Variants in MYPN observed in about 807,000 individuals in gnomAD.
MYPN encodes sarcomeric protein myopalladin, 145 kDa (MYOP).
In MYPN, 63 loss-of-function variants were observed where a neutral mutation model predicts 129.4. The observed-to-expected ratio is 0.49, with a 90% CI of 0.40 to 0.60. MYPN has a LOEUF of 0.60. MYPN is among the 20% of genes least tolerant of loss of function. The pLI is 0.00. For missense variants in MYPN, 1,596 were observed against 1,635.4 expected (o/e 0.98, Z 0.42); for synonymous variants, 629 against 600.9 (o/e 1.05, Z -0.68).
intron 1 of MYPN, among the ~76,000 whole-genome samples, chr10:68,090,192 T>C (rs922863672): frequency 5.3e-5 from 8 of 152,052 alleles, no homozygotes; most frequent in Non-Finnish European, 1.0e-4. Flanking sequence ...AGACAAAGTC[T>C]CACTCTGTCA....
intron 12 of MYPN, among the ~76,000 whole-genome samples, chr10:68,179,084 G>T (rs1589592833): frequency 6.6e-6 from 1 of 151,888 alleles, no homozygotes; most frequent in Non-Finnish European, 1.5e-5. Context: ...TCTGCCTTTT[G>T]TTCCTCTAAT....
At chr10:68,180,379 T>C (rs1045519281) in intron 12 of MYPN, among the ~76,000 whole-genome samples, 4 of 152,024 alleles carry the variant, frequency 2.6e-5, no homozygotes, top group African/African-American at 9.7e-5. Context: ...AGAGATAGGG[T>C]TTCACCATTT....
chr10:68,112,550 C>T (rs575159392), intron 1 of MYPN, among the ~76,000 whole-genome samples: 26 of 152,286 alleles, frequency 1.7e-4, no homozygotes, highest in African/African-American at 3.8e-4. Flanking sequence ...TGTCCCTAAA[C>T]GGATTCTCAT....
chr10:68,109,333 T>C (rs1436853886), upstream of MYPN: 2 of 307,320 alleles, frequency 6.5e-6, no homozygotes, highest in Admixed American at 7.8e-5. Flanking sequence ...CCTCTAGCTA[T>C]AAGGGAAATT....
At chr10:68,163,393 G>A (rs1212276623) in intron 8 of MYPN, among the ~76,000 whole-genome samples, 3 of 152,110 alleles carry the variant, frequency 2.0e-5, no homozygotes, top group Admixed American at 6.6e-5. Flanking sequence ...TTGGGAGGCC[G>A]AGGCGGGTGG....
At chr10:68,096,984 T>C (rs2041960000) in intron 1 of MYPN, among the ~76,000 whole-genome samples, 2 of 152,244 alleles carry the variant, frequency 1.3e-5, no homozygotes, top group African/African-American at 4.8e-5. Context: ...GATATTTGTC[T>C]CTGCTCTACT....
rs1210466686 is a variant in MYPN at position 68,174,278 on chromosome 10, C to T, written c.2186C>T (p.Ser729Phe). Residue 729 changes from serine to phenylalanine, a missense_variant, in exon 11 of 20, where the codon TCC (serine) becomes TTC (phenylalanine). Coordinates refer to ENST00000358913, the MANE Select transcript of MYPN (RefSeq NM_032578.4). ...SLARPKYFFP[S>F]TNTTAATVAP... ...GCCCGGCCGAAGTATTTCTTCCCCTCCACGAACACCACCGCAGCAACTGTG... is the reference window on the plus strand; with the variant it reads ...GCCCGGCCGAAGTATTTCTTCCCCTTCACGAACACCACCGCAGCAACTGTG... 8 of 1,614,136 alleles carry T rather than the reference C, an allele frequency of 5.0e-6. No homozygotes were observed. Among genetic ancestry groups the T allele is most frequent in the Non-Finnish European group, 5.1e-6 (6 of 1,180,030 alleles).
In MYPN at chr10:68,166,482, C is replaced by T. The variant is rs367570424; in HGVS notation, c.1789C>T (p.Arg597Cys). Reference protein sequence around the residue: ...EPRSSSRIGLRVHFNLPEDDK... With the variant: ...EPRSSSRIGLCVHFNLPEDDK... ...CCGGTCCAGCTCCAGGATTGGGCTTCGTGTGCACTTCAACCTGCCTGAAGA... is the reference window on the plus strand; with the variant it reads ...CCGGTCCAGCTCCAGGATTGGGCTTTGTGTGCACTTCAACCTGCCTGAAGA... Residue 597 changes from arginine to cysteine, a missense_variant, in exon 10 of 20, where the codon CGT becomes TGT. Arg to Cys is a radical substitution (Grantham distance 180). Coordinates refer to ENST00000358913, the MANE Select transcript of MYPN (RefSeq NM_032578.4). 15 of 1,614,012 alleles carry T rather than the reference C, an allele frequency of 9.3e-6. No individual in the cohort carries two copies. The African/African-American group carries it at 1.6e-4, about 17-fold the overall frequency.
intron 6 of MYPN, among the ~76,000 whole-genome samples, chr10:68,157,299 A>T (rs1228965920): frequency 6.6e-6 from 1 of 152,248 alleles, no homozygotes; most frequent in African/African-American, 2.4e-5. Flanking sequence ...TAAAGACCAC[A>T]TAAGAAAAAC....
intron 13 of MYPN, 70 bp from the exon 14 acceptor site, chr10:68,194,293 C>G (rs993357280): frequency 6.4e-7 from 1 of 1,566,072 alleles, no homozygotes; most frequent in African/African-American, 1.4e-5. Flanking sequence ...CTTTCCTCAC[C>G]CCAGACCCTA....
intron 4 of MYPN, among the ~76,000 whole-genome samples, chr10:68,147,958 T>C (rs1304824750): frequency 1.3e-5 from 2 of 152,172 alleles, no homozygotes; most frequent in Non-Finnish European, 2.9e-5. Context: ...ATCAGAGGTA[T>C]AGATTTAAAA....
chr10:68,168,860 G>C (rs2043094299), intron 10 of MYPN, among the ~76,000 whole-genome samples: 1 of 151,924 alleles, frequency 6.6e-6, no homozygotes, highest in Non-Finnish European at 1.5e-5. Flanking sequence ...AGGTGTGGTG[G>C]CGCGTGCCTT....
intron 4 of MYPN, 51 bp downstream of exon 4, chr10:68,145,577 A>T: frequency 6.9e-7 from 1 of 1,453,852 alleles, no homozygotes; most frequent in Non-Finnish European, 9.6e-7. Flanking sequence ...ATCAATTAAT[A>T]GCTCAAAGAG....
intron 2 of MYPN, chr10:68,135,441 T>A (rs2042471850): frequency 1.0e-6 from 1 of 966,506 alleles, no homozygotes; most frequent in African/African-American, 1.8e-5. Context: ...TATTATCTTA[T>A]TGTCCGATAT....
At position 68,206,756 on chromosome 10, in the gene MYPN, CTCTT is replaced by C. The variant is rs2043822171; in HGVS notation, c.3660-12_3660-9del. The stretch of plus-strand genomic sequence containing the variant: ...CCCCGATAAAATATAGGTATATTCT[CTCTT>C]TTTCTCCAGTATGCACCAGGACACA... On this transcript the variant is annotated splice_polypyrimidine_tract_variant and intron_variant, in intron 18 of 19. Coordinates refer to ENST00000358913, the MANE Select transcript of MYPN (RefSeq NM_032578.4). 6.2e-7 allele frequency: 1 copy of C among 1,614,122 alleles called. No individual in the cohort carries two copies. The highest frequency in any genetic ancestry group is 1.1e-5 in the South Asian group (1 of 91,086).
chr10:68,109,711 T>TA lies in MYPN; in HGVS notation c.-7dup, dbSNP rs1564640695. 1 of 453,166 alleles carries TA rather than the reference T, an allele frequency of 2.2e-6. No homozygotes were observed. The highest frequency in any genetic ancestry group is 4.4e-6 in the Non-Finnish European group (1 of 226,468). The allele number at this position is 453,166 out of a possible 1,614,324, so 28.1% of individuals were successfully genotyped here. A position where few individuals can be genotyped will look rare whatever the true frequency, so the allele number is the denominator to read the frequency against. On this transcript the variant is annotated 5_prime_UTR_variant, in exon 1 of 20. Coordinates refer to ENST00000358913, the MANE Select transcript of MYPN (RefSeq NM_032578.4). The stretch of plus-strand genomic sequence containing the variant: ...ATTGGACATCCTCATCTGGGTCAAC[T>TA]AAAAAAAGAAAGGTAATATCCAGAT...
intron 9 of MYPN, among the ~76,000 whole-genome samples, chr10:68,166,070 A>C (rs1273982530): frequency 6.6e-6 from 1 of 152,086 alleles, no homozygotes; most frequent in African/African-American, 2.4e-5. Flanking sequence ...AAATTTCTAA[A>C]TTTCTTTCCA....
chr10:68,186,282 A>C (rs1161686651), intron 12 of MYPN, among the ~76,000 whole-genome samples: 2 of 152,212 alleles, frequency 1.3e-5, no homozygotes, highest in Non-Finnish European at 2.9e-5. Context: ...TGGTTCCAGT[A>C]AATTAAAACC....
chr10:68,190,301 C>T (rs1353404715), intron 13 of MYPN, among the ~76,000 whole-genome samples: 1 of 152,148 alleles, frequency 6.6e-6, no homozygotes, highest in Non-Finnish European at 1.5e-5. Flanking sequence ...ATTCTCGTGC[C>T]TCAGCCTCCT....
Sources: gnomAD v4.1 joint callset for allele counts (sites outside exome capture counted in the v4.1 genomes callset) on GRCh38, gnomAD v4.1.1 for gene constraint, MANE v1.5 for transcripts, NCBI Gene and HGNC (gene_info 2026-07-23, HGNC 2026-07-21) for gene names.